The following TTLL8 variants were observed in gnomAD, a reference collection of about 807,000 sequenced individuals.
TTLL8 encodes protein monoglycylase TTLL8.
A neutral mutation model predicts 77.8 loss-of-function variants in TTLL8; 65 were observed. The ratio of observed to expected loss-of-function variants is 0.84; its 90% CI spans 0.68 to 1.03. The LOEUF (loss-of-function observed/expected upper bound fraction) is 1.03. TTLL8 is among the 50% of genes least tolerant of loss of function. TTLL8 has a pLI of 0.00. For synonymous variants in TTLL8, 402 were observed against 422.8 expected, an observed-to-expected ratio of 0.95 and a Z score of 0.60; for missense variants, 910 against 1,004.5, an observed-to-expected ratio of 0.91 and a Z score of 1.27.
rs1190991142 is a variant in TTLL8 at position 50,044,696 on chromosome 22, C to T, written c.643+559G>A. Among the ~76,000 whole-genome samples, 2 of 152,290 alleles carry T rather than the reference C, an allele frequency of 1.3e-5. No homozygotes were observed. The highest frequency in any genetic ancestry group is 1.9e-4 in the East Asian group (1 of 5,186). On this transcript the variant is annotated intron_variant, in intron 6 of 13. Transcript: ENST00000266182. This position sits in a 1 kb window ranked among gnomAD's most constrained non-coding sequence, Gnocchi z 4.2. The stretch of plus-strand genomic sequence containing the variant: ...GGGGATGTTGGCGGTGCAGGAGGCG[C>T]GGGGGCAGGAGAGTGTGGTAAATCT...
intron 12 of TTLL8, among the ~76,000 whole-genome samples, chr22:50,027,975 A>T (rs970068835): frequency 6.6e-6 from 1 of 152,210 alleles, no homozygotes; most frequent in Non-Finnish European, 1.5e-5. Flanking sequence ...CACAAGTGAG[A>T]GGCGCCTCAG....
exon 12 of TTLL8, chr22:50,030,901 T>A: frequency 7.6e-7 from 1 of 1,322,476 alleles, no homozygotes. Context: ...TCGGACCCGC[T>A]GAATGGGGGC....
At chr22:50,028,797 A>AC (rs1357793068) in intron 12 of TTLL8, among the ~76,000 whole-genome samples, 20 of 18,194 alleles carry the variant, frequency 1.1e-3, no homozygotes, top group African/African-American at 3.0e-3. Context: ...CGTCCTGAAG[A>AC]CCCCACACAC....
At chr22:50,032,061 A>G (rs762117134) in exon 11 of TTLL8, 3 of 1,365,178 alleles carry the variant, frequency 2.2e-6, no homozygotes, top group Non-Finnish European at 2.9e-6. Flanking sequence ...TGCGGCCCAC[A>G]TCATTCTTCA....
intron 2 of TTLL8, 176 bp downstream of exon 4, chr22:50,049,933 G>T (rs796273984): frequency 1.7e-6 from 1 of 596,486 alleles, no homozygotes; most frequent in East Asian, 1.4e-4. Flanking sequence ...GGGTTTGCCT[G>T]GCACGACCGC....
At chr22:50,029,754 C>T (rs1293001264) in intron 12 of TTLL8, among the ~76,000 whole-genome samples, 1 of 152,038 alleles carries the variant, frequency 6.6e-6, no homozygotes, top group Non-Finnish European at 1.5e-5. Flanking sequence ...AAACAAGACC[C>T]TCTCGTCATG....
chr22:50,057,963 G>C (rs1443984965), upstream of TTLL8, among the ~76,000 whole-genome samples: 1 of 151,866 alleles, frequency 6.6e-6, no homozygotes, highest in East Asian at 1.9e-4. Context: ...GTGGTTCCGA[G>C]CTAGGCGGGT....
chr22:50,045,205 A>C (rs2061401050), intron 6 of TTLL8, 50 bp downstream of exon 8: 3 of 1,321,314 alleles, frequency 2.3e-6, no homozygotes, highest in Non-Finnish European at 3.0e-6. Context: ...GCCCCTGTGG[A>C]GGCCCCGAGC....
Position 50,041,376 on chromosome 22 carries a change from A to G in TTLL8, c.831-99T>C. The G allele has an allele frequency of 2.5e-6, 2 of 796,666 alleles. No homozygotes were observed. Among genetic ancestry groups the G allele is most frequent in the South Asian group, 2.9e-5 (2 of 68,512 alleles). 49.3% of individuals were successfully genotyped at this position (796,666 alleles called of 1,614,324 possible). A position where few individuals can be genotyped will look rare whatever the true frequency, so the allele number is the denominator to read the frequency against. On this transcript the variant is annotated intron_variant, in intron 7 of 13. Coordinates refer to ENST00000266182, the Ensembl canonical transcript of TTLL8. The surrounding 1 kb of genome is among the most constrained non-coding windows in gnomAD (Gnocchi z 4.3). ...ACACCCATAAGGCACCCCAAGATCC[A>G]GACAGACACCCCAATACCCAACAAG...
chr22:50,036,829 C>T (rs1321319434), intron 8 of TTLL8, among the ~76,000 whole-genome samples: 2 of 152,120 alleles, frequency 1.3e-5, no homozygotes, highest in Non-Finnish European at 2.9e-5. Flanking sequence ...AACTCCTGAC[C>T]TCGGGTGATC....
At chr22:50,031,961 C>T (rs371114598) in exon 11 of TTLL8, 32 of 1,366,660 alleles carry the variant, frequency 2.3e-5, no homozygotes, top group Non-Finnish European at 2.9e-5. Flanking sequence ...GGGTAGATGA[C>T]GCTGCCCCAC....
chr22:50,034,444 T>C lies in TTLL8; in HGVS notation c.940A>G (p.Arg314Gly), dbSNP rs1345697020. The C allele has an allele frequency of 7.3e-7, 1 of 1,367,286 alleles. No homozygotes were observed. Among genetic ancestry groups the C allele is most frequent in the South Asian group, 1.1e-5 (1 of 88,046 alleles). 84.7% of individuals were successfully genotyped at this position (1,367,286 alleles called of 1,614,324 possible). Residue 314 changes from arginine (R) to glycine (G), a missense_variant, in exon 9 of 14, where the codon AGA becomes GGA. Physicochemically the swap from Arg to Gly is moderately radical, Grantham distance 125. This residue lies in a region of TTLL8 where 776 missense variants were observed against 926.1 expected (regional missense o/e 0.84). Transcript: ENST00000266182. The surrounding 1 kb of genome is among the most constrained non-coding windows in gnomAD (Gnocchi z 4.1). ...GTCTGAGGGTTCACAGACGTGATTC[T>C]ATTCAGCAGAGCCTGGCACTGCGAA...
In TTLL8 at chr22:50,029,600, G is replaced by A. The variant is rs111852126; in HGVS notation, c.2203+830C>T. Among the ~76,000 whole-genome samples, 803 of 151,624 alleles carry A rather than the reference G, an allele frequency of 5.3e-3. 5 individuals are homozygous for A. Among genetic ancestry groups the A allele is most frequent in the African/African-American group, 0.017 (714 of 41,294 alleles). ...CTAAAAATTAGCCGGGCGCGGTGGC[G>A]GGCGCCTGTGGTCCCAGCTACTCGG... On this transcript the variant is annotated intron_variant, in intron 12 of 13. Transcript: ENST00000266182.
intron 8 of TTLL8, among the ~76,000 whole-genome samples, chr22:50,038,257 A>C (rs1329910815): frequency 1.4e-5 from 2 of 144,952 alleles, no homozygotes; most frequent in African/African-American, 5.8e-5. Context: ...ATACTTTATC[A>C]TTTATTTAAA....
intron 8 of TTLL8, among the ~76,000 whole-genome samples, chr22:50,039,701 CAT>C (rs1340474801): frequency 2.6e-5 from 4 of 152,100 alleles, no homozygotes; most frequent in Non-Finnish European, 5.9e-5. Flanking sequence ...TCACGGATCT[CAT>C]GTGTGTCAGT....
chr22:50,032,242 G>C (rs1251444700), intron 10 of TTLL8, 133 bp from the exon 12 acceptor site: 1 of 920,794 alleles, frequency 1.1e-6, no homozygotes, highest in Non-Finnish European at 1.5e-6. Flanking sequence ...CCAACCCTCT[G>C]CTGGAGGGGC....
chr22:50,034,237 CCT>C lies in TTLL8; in HGVS notation c.1039+106_1039+107del. The C allele has an allele frequency of 1.7e-6, 2 of 1,210,714 alleles. No individual in the cohort carries two copies. Among genetic ancestry groups the C allele is most frequent in the Non-Finnish European group, 1.1e-6 (1 of 946,308 alleles). The allele number at this position is 1,210,714 out of a possible 1,614,324, so 75.0% of individuals were successfully genotyped here. On this transcript the variant is annotated intron_variant, in intron 9 of 13. Transcript: ENST00000266182. The surrounding 1 kb of genome is among the most constrained non-coding windows in gnomAD (Gnocchi z 4.1). ...GCCTGCCTCGGCGTTCTGCTCCCTCCCTTCCTTCCCTGTGGTGCTGTGGGCCT... is the reference window on the plus strand; with the variant it reads ...GCCTGCCTCGGCGTTCTGCTCCCTCCTCCTTCCCTGTGGTGCTGTGGGCCT...
intron 12 of TTLL8, chr22:50,027,735 G>A: frequency 1.0e-6 from 1 of 985,448 alleles, no homozygotes; most frequent in Admixed American, 6.1e-5. Context: ...GAGCAACGGT[G>A]CGGTTGCCTG....
At chr22:50,049,058 C>CGAAG (rs1945756414) in intron 3 of TTLL8, 191 bp downstream of exon 5, 1 of 773,098 alleles carries the variant, frequency 1.3e-6, no homozygotes. Flanking sequence ...CATCCAGCAC[C>CGAAG]GAAGGGCTCG....
Sources: allele counts gnomAD v4.1 joint callset (sites outside exome capture counted in the v4.1 genomes callset), GRCh38; gene constraint gnomAD v4.1.1; regional missense constraint gnomAD v4.1.1; non-coding constraint Gnocchi (gnomAD v3.1); transcripts MANE v1.5; gene names NCBI Gene and HGNC (gene_info 2026-07-23, HGNC 2026-07-21).